GALNTL5: variants seen among roughly 807,000 people sequenced by gnomAD.
GALNTL5 encodes polypeptide N-acetylgalactosaminyltransferase like 5, also known as inactive polypeptide N-acetylgalactosaminyltransferase-like protein 5.
GALNTL5 carries 44 observed loss-of-function variants against 51.0 expected under a neutral mutation model. The observed-to-expected ratio is 0.86, with a 90% CI of 0.68 to 1.11. The LOEUF is 1.11. Ranked by LOEUF, GALNTL5 falls within the 50% of genes least tolerant of loss-of-function variation. GALNTL5 has a pLI of 0.00. For synonymous variants in GALNTL5, 192 were observed against 182.8 expected (o/e 1.05, Z -0.41); for missense variants, 528 against 531.8 (o/e 0.99, Z 0.07).
chr7:151,972,316 C>T (rs768163078), intron 3 of GALNTL5, among the ~76,000 whole-genome samples: 8 of 152,140 alleles, frequency 5.3e-5, no homozygotes, highest in Non-Finnish European at 1.0e-4. Flanking sequence ...TGCCCCTACC[C>T]TAGAGATCTA....
intron 3 of GALNTL5, among the ~76,000 whole-genome samples, chr7:151,976,729 C>A (rs1348168065): frequency 6.6e-6 from 1 of 152,102 alleles, no homozygotes; most frequent in Non-Finnish European, 1.5e-5. Flanking sequence ...AGTGTAGTGG[C>A]ACGATCTCAG....
intron 3 of GALNTL5, among the ~76,000 whole-genome samples, chr7:151,971,572 C>A (rs1261345593): frequency 2.0e-5 from 3 of 152,132 alleles, no homozygotes; most frequent in African/African-American, 7.2e-5. Context: ...CAGACATTCA[C>A]ATTGTGCAGC....
At chr7:151,986,294 T>C (rs1586828712) in intron 4 of GALNTL5, among the ~76,000 whole-genome samples, 1 of 152,164 alleles carries the variant, frequency 6.6e-6, no homozygotes, top group African/African-American at 2.4e-5. Flanking sequence ...TATTAAAATG[T>C]TAATAGTGAT....
At chr7:152,019,435 AT>A (rs1298797791) in intron 8 of GALNTL5, among the ~76,000 whole-genome samples, 1 of 152,220 alleles carries the variant, frequency 6.6e-6, no homozygotes, top group African/African-American at 2.4e-5. Flanking sequence ...CTAGGGTGCC[AT>A]GGCACGTGCT....
chr7:151,994,762 A>T (rs2081473971), intron 5 of GALNTL5, among the ~76,000 whole-genome samples: 1 of 144,188 alleles, frequency 6.9e-6, no homozygotes. Flanking sequence ...CTTACCCCCA[A>T]TTTTTTTTTT....
At chr7:151,973,855 C>T (rs777145038) in intron 3 of GALNTL5, among the ~76,000 whole-genome samples, 20 of 152,046 alleles carry the variant, frequency 1.3e-4, no homozygotes, top group African/African-American at 2.2e-4. Flanking sequence ...CCTCAGGTGT[C>T]GAGGGAGGGG....
Position 151,958,017 on chromosome 7 carries a change from T to G in GALNTL5, c.-40+1408T>G, listed in dbSNP as rs1433101191. The G allele has an allele frequency of 7.2e-5, 11 of 152,284 alleles. No individual in the cohort carries two copies. In the East Asian group the frequency reaches 2.1e-3, roughly 29 times the overall value. 9.4% of individuals were successfully genotyped at this position (152,284 alleles called of 1,614,324 possible). ...GAAAATTAAGGAGGTTGGGGATATGTTCATAAGTGTTCACGTCTAAAGAGA... is the reference window on the plus strand; with the variant it reads ...GAAAATTAAGGAGGTTGGGGATATGGTCATAAGTGTTCACGTCTAAAGAGA... On this transcript the variant is annotated intron_variant, in intron 1 of 8. Transcript: ENST00000392800.
chr7:152,011,411 T>C (rs1003316131), intron 7 of GALNTL5, among the ~76,000 whole-genome samples: 1 of 152,262 alleles, frequency 6.6e-6, no homozygotes, highest in African/African-American at 2.4e-5. Context: ...GAGGCTGGCC[T>C]CAAACAGCCC....
At chr7:151,998,683 A>C (rs1367249430) in intron 5 of GALNTL5, among the ~76,000 whole-genome samples, 1 of 151,714 alleles carries the variant, frequency 6.6e-6, no homozygotes, top group Non-Finnish European at 1.5e-5. Context: ...GAAGCAGGAC[A>C]ATTGCTTGAA....
chr7:152,008,483 T>G (rs2081681886), intron 7 of GALNTL5, among the ~76,000 whole-genome samples: 1 of 152,036 alleles, frequency 6.6e-6, no homozygotes, highest in Non-Finnish European at 1.5e-5. Flanking sequence ...ATTAATATAA[T>G]ATTTTAAATC....
intron 6 of GALNTL5, among the ~76,000 whole-genome samples, chr7:152,006,729 C>T (rs962364055): frequency 2.6e-5 from 4 of 152,010 alleles, no homozygotes; most frequent in Non-Finnish European, 4.4e-5. Flanking sequence ...TCAATAAATA[C>T]TTATTTGAAC....
intron 1 of GALNTL5, among the ~76,000 whole-genome samples, chr7:151,965,784 A>G (rs1412643400): frequency 2.0e-5 from 3 of 152,048 alleles, no homozygotes; most frequent in Admixed American, 6.6e-5. Context: ...CTATTCAGGA[A>G]GCTGAGGTAG....
chr7:151,996,664 G>A (rs908813897), intron 5 of GALNTL5, among the ~76,000 whole-genome samples: 9 of 152,218 alleles, frequency 5.9e-5, no homozygotes, highest in African/African-American at 2.2e-4. Flanking sequence ...CAGGAGGATC[G>A]CTCGAGCCCA....
At chr7:151,966,489 G>A (rs568756207) in intron 1 of GALNTL5, among the ~76,000 whole-genome samples, 84 of 152,116 alleles carry the variant, frequency 5.5e-4, no homozygotes, top group African/African-American at 2.0e-3. Context: ...AGCTGGTCTC[G>A]AACTCCTGAC....
chr7:151,996,905 AG>A (rs1267537990), intron 5 of GALNTL5, among the ~76,000 whole-genome samples: 2 of 152,216 alleles, frequency 1.3e-5, no homozygotes, highest in African/African-American at 4.8e-5. Context: ...GTTACGTTTA[AG>A]GGTGAAAATG....
chr7:152,002,956 C>T lies in GALNTL5; in HGVS notation c.901C>T (p.Pro301Ser). The change falls in exon 6 of 9, where the codon CCA (proline) becomes TCA (serine). Residue 301 changes from proline to serine, a missense_variant. Coordinates refer to ENST00000392800, the MANE Select transcript of GALNTL5 (RefSeq NM_145292.4). ...GGATGGACCAGAAGGATCTACTAAA[C>T]CAATCCGGTGAGATTTCTTCTGGTT... is the stretch of plus-strand genomic sequence containing the variant. Reference protein sequence around the residue: ...EMDGPEGSTKPIRSPAMSGGI... With the variant: ...EMDGPEGSTKSIRSPAMSGGI... The T allele has an allele frequency of 6.2e-7, 1 of 1,613,356 alleles. No homozygotes were observed. Among genetic ancestry groups the T allele is most frequent in the Non-Finnish European group, 8.5e-7 (1 of 1,179,422 alleles).
intron 3 of GALNTL5, among the ~76,000 whole-genome samples, chr7:151,977,586 A>G (rs1003047983): frequency 4.3e-4 from 65 of 152,300 alleles, no homozygotes; most frequent in African/African-American, 1.4e-3. Context: ...AGATTTTGAT[A>G]TCAGACTTAT....
chr7:152,003,457 C>A (rs542308557), intron 6 of GALNTL5, among the ~76,000 whole-genome samples: 3 of 152,340 alleles, frequency 2.0e-5, no homozygotes, highest in African/African-American at 7.2e-5. Flanking sequence ...TTACCTCTCT[C>A]AACTTCAATG....
At chr7:151,975,843 G>A (rs1183788315) in intron 3 of GALNTL5, among the ~76,000 whole-genome samples, 1 of 151,846 alleles carries the variant, frequency 6.6e-6, no homozygotes, top group African/African-American at 2.4e-5. Flanking sequence ...GGTTGGTTAG[G>A]AACATGTTGT....
Sources: allele counts gnomAD v4.1 joint callset (sites outside exome capture counted in the v4.1 genomes callset), GRCh38; gene constraint gnomAD v4.1.1; transcripts MANE v1.5; gene names NCBI Gene and HGNC (gene_info 2026-07-23, HGNC 2026-07-21).